Variants in PRKAA2 observed in about 807,000 individuals in gnomAD.
PRKAA2 encodes 5'-AMP-activated protein kinase catalytic subunit alpha-2.
Under a neutral mutation model 56.3 loss-of-function variants are expected in PRKAA2, and 40 were observed. That is an observed-to-expected ratio of 0.71 (90% CI 0.55 to 0.92). PRKAA2 has a LOEUF of 0.92. Ranked by LOEUF, PRKAA2 falls within the 40% of genes least tolerant of loss-of-function variation. The probability of loss-of-function intolerance (pLI) is 0.00; values close to 1 mark genes in which losing one functional copy is unlikely to be tolerated. For missense variants in PRKAA2, 542 were observed against 686.9 expected (o/e 0.79, Z 2.36); for synonymous variants, 214 against 234.2 (o/e 0.91, Z 0.79).
intron 1 of PRKAA2, among the ~76,000 whole-genome samples, chr1:56,662,356 A>G (rs1644000941): frequency 6.6e-6 from 1 of 152,122 alleles, no homozygotes; most frequent in Non-Finnish European, 1.5e-5. Flanking sequence ...TCAAAAATTC[A>G]TGGAAAAATG....
chr1:56,696,273 A>G (rs2100428494), intron 6 of PRKAA2, 114 bp downstream of exon 6: 1 of 900,198 alleles, frequency 1.1e-6, no homozygotes. Context: ...CCCAGTACTC[A>G]TGCTTCAGCC....
chr1:56,700,658 C>T (rs1038822738), intron 6 of PRKAA2, among the ~76,000 whole-genome samples: 2 of 152,042 alleles, frequency 1.3e-5, no homozygotes, highest in African/African-American at 4.8e-5. Context: ...TAACAAATGC[C>T]CTGGGGAGAA....
chr1:56,652,441 G>A (rs1030940167), intron 1 of PRKAA2, among the ~76,000 whole-genome samples: 6 of 152,150 alleles, frequency 3.9e-5, no homozygotes, highest in Non-Finnish European at 5.9e-5. Flanking sequence ...AGGCTATAAA[G>A]GTAATCTTGA....
intron 1 of PRKAA2, among the ~76,000 whole-genome samples, chr1:56,649,195 G>A (rs931685334): frequency 2.2e-4 from 33 of 152,128 alleles, no homozygotes; most frequent in African/African-American, 7.2e-4. Context: ...TAGCCCTGAT[G>A]TTTAACTATG....
intron 7 of PRKAA2, 132 bp downstream of exon 7, chr1:56,704,607 A>G (rs1157582559): frequency 9.6e-7 from 1 of 1,038,848 alleles, no homozygotes; most frequent in Non-Finnish European, 1.4e-6. Context: ...AAAACAAAAC[A>G]AATAACCTCT....
At position 56,679,423 on chromosome 1, in the gene PRKAA2, C is replaced by T. The variant is rs539343662; in HGVS notation, c.236+4901C>T. Among the ~76,000 whole-genome samples the T allele has an allele frequency of 3.3e-5, 5 of 152,282 alleles. No homozygotes were observed. In the East Asian group the frequency reaches 7.7e-4, roughly 23 times the overall value. Reference sequence around the variant, plus strand: ...AACTTTTCTCTCTCTTCCAAATTTACTTCTCTGTTTTTGGAGGGTGTGGTG... The same window carrying T: ...AACTTTTCTCTCTCTTCCAAATTTATTTCTCTGTTTTTGGAGGGTGTGGTG... On this transcript the variant is annotated intron_variant, in intron 2 of 8. Transcript: ENST00000371244.
intron 2 of PRKAA2, among the ~76,000 whole-genome samples, chr1:56,680,781 C>T (rs1339026738): frequency 1.3e-5 from 2 of 152,148 alleles, no homozygotes; most frequent in Admixed American, 6.5e-5. Context: ...GGGTTGGTTA[C>T]AAGTCTTTGC....
At chr1:56,681,898 T>A (rs1644157785) in intron 2 of PRKAA2, among the ~76,000 whole-genome samples, 1 of 152,136 alleles carries the variant, frequency 6.6e-6, no homozygotes. Flanking sequence ...TGAAGAAAGT[T>A]ATTGGTAGTT....
Position 56,715,088 on chromosome 1 carries a change from G to C in PRKAA2, c.*7375G>C, listed in dbSNP as rs1431078376. 4 of 151,984 alleles carry C rather than the reference G, an allele frequency of 2.6e-5. No individual in the cohort carries two copies. Among genetic ancestry groups the C allele is most frequent in the Non-Finnish European group, 5.9e-5 (4 of 67,984 alleles). 9.4% of individuals were successfully genotyped at this position (151,984 alleles called of 1,614,324 possible). A position where few individuals can be genotyped will look rare whatever the true frequency, so the allele number is the denominator to read the frequency against. On this transcript the variant is annotated 3_prime_UTR_variant, in exon 9 of 9. Transcript: ENST00000371244. ...CAAATAAACTCCGATTCAAATTTCA[G>C]TTTTGTTTGTTATATACTTTTTGTG...
Position 56,707,509 on chromosome 1 carries a change from A to G in PRKAA2, c.1455A>G (p.Thr485=), listed in dbSNP as rs1644339830. 1 of 1,614,132 alleles carries G rather than the reference A, an allele frequency of 6.2e-7. No individual in the cohort carries two copies. The highest frequency in any genetic ancestry group is 8.5e-7 in the Non-Finnish European group (1 of 1,180,020). The change falls in exon 9 of 9, where the codon ACA becomes ACG. Residue 485 remains threonine (T), a synonymous_variant. Transcript: ENST00000371244. The stretch of plus-strand genomic sequence containing the variant: ...TGGAGCAGAGATCTGGTTCCTCAAC[A>G]CCTCAGCGTTCCTGTTCTGCTGCTG... ...EVVEQRSGSS[T]PQRSCSAAGL... is the part of the protein sequence containing the mutation.
At chr1:56,671,125 A>G (rs762426192) in intron 1 of PRKAA2, among the ~76,000 whole-genome samples, 1 of 152,316 alleles carries the variant, frequency 6.6e-6, no homozygotes, top group Non-Finnish European at 1.5e-5. Flanking sequence ...TATCTGTAAT[A>G]TACATAGAAG....
At chr1:56,697,866 G>T (rs923527833) in intron 6 of PRKAA2, among the ~76,000 whole-genome samples, 1 of 151,676 alleles carries the variant, frequency 6.6e-6, no homozygotes, top group Non-Finnish European at 1.5e-5. Context: ...ACAGGTGTTT[G>T]TATATTTATA....
chr1:56,672,583 C>T (rs989833845), intron 1 of PRKAA2, among the ~76,000 whole-genome samples: 5 of 152,160 alleles, frequency 3.3e-5, no homozygotes, highest in Middle Eastern at 3.4e-3. Context: ...GGTTTGAAAC[C>T]TGGGGATACT....
rs1557565624 is a variant in PRKAA2 at position 56,707,487 on chromosome 1, A to T, written c.1433A>T (p.Glu478Val). 6.2e-7 allele frequency: 1 copy of T among 1,614,090 alleles called. No individual in the cohort carries two copies. Among genetic ancestry groups the T allele is most frequent in the Middle Eastern group, 1.6e-4 (1 of 6,062 alleles). Residue 478 changes from glutamate to valine, a missense_variant, in exon 9 of 9, where the codon GAG becomes GTG. This residue lies in a region of PRKAA2 where 158 missense variants were observed against 166.1 expected (regional missense o/e 0.95). Transcript: ENST00000371244. The stretch of plus-strand genomic sequence containing the variant: ...TGGTCCATTTCAGATGAAGTAGTGG[A>T]GCAGAGATCTGGTTCCTCAACACCT... The part of the protein sequence containing the change: ...DFKSIDDEVV[E>V]QRSGSSTPQR...
intron 1 of PRKAA2, among the ~76,000 whole-genome samples, chr1:56,661,589 A>G (rs1319169075): frequency 6.6e-6 from 1 of 152,116 alleles, no homozygotes; most frequent in Non-Finnish European, 1.5e-5. Flanking sequence ...GAAATTTGGT[A>G]GTTTTTACAT....
Position 56,703,491 on chromosome 1 carries a change from C to T in PRKAA2, c.789-480C>T, listed in dbSNP as rs145715679. 1.4e-4 allele frequency among the ~76,000 whole-genome samples: 21 copies of T among 152,256 alleles called. No individual in the cohort carries two copies. The East Asian group carries it at 3.9e-3, about 28-fold the overall frequency. On this transcript the variant is annotated intron_variant, in intron 6 of 8. Coordinates refer to ENST00000371244, the MANE Select transcript of PRKAA2 (RefSeq NM_006252.4). The stretch of plus-strand genomic sequence containing the variant: ...TGAAGTGTGGTTTTCATACCTTCTT[C>T]ATTCAGTCTGTTGCATTATTTTGTA...
At chr1:56,683,893 G>A (rs986345841) in intron 2 of PRKAA2, among the ~76,000 whole-genome samples, 1 of 152,120 alleles carries the variant, frequency 6.6e-6, no homozygotes, top group Non-Finnish European at 1.5e-5. Flanking sequence ...TCTAAGATGG[G>A]AAGCCATTGG....
chr1:56,666,191 GTAAA>G (rs1301125601), intron 1 of PRKAA2, among the ~76,000 whole-genome samples: 1 of 152,100 alleles, frequency 6.6e-6, no homozygotes, highest in African/African-American at 2.4e-5. Flanking sequence ...TTTCCATACA[GTAAA>G]TAAATAGTTA....
intron 2 of PRKAA2, among the ~76,000 whole-genome samples, chr1:56,678,615 T>C (rs115890455): frequency 0.03 from 4,609 of 152,278 alleles, 188 homozygotes; most frequent in African/African-American, 0.098. Context: ...TTTTTTTCTT[T>C]CCTCCATAAT....
Sources: gnomAD v4.1 joint callset for allele counts (sites outside exome capture counted in the v4.1 genomes callset) on GRCh38, gnomAD v4.1.1 for gene constraint, gnomAD v4.1.1 regional missense constraint, MANE v1.5 for transcripts, NCBI Gene and HGNC (gene_info 2026-07-23, HGNC 2026-07-21) for gene names.